The following ANKRD30A variants were observed in gnomAD, a reference collection of about 807,000 sequenced individuals.
ANKRD30A encodes ankyrin repeat domain-containing protein 30A.
Under a neutral mutation model 166.3 loss-of-function variants are expected in ANKRD30A, and 170 were observed. That is an observed-to-expected ratio of 1.02 (90% confidence interval 0.90 to 1.16). ANKRD30A has a LOEUF of 1.16. Among genes scored for constraint, ANKRD30A ranks in the 50% most tolerant of loss-of-function variants. The probability of loss-of-function intolerance (pLI) is 0.00; values close to 1 mark genes in which losing one functional copy is unlikely to be tolerated. For synonymous variants in ANKRD30A, 564 were observed against 508.9 expected (o/e 1.11, Z -1.46); for missense variants, 1,630 against 1,518.0 (o/e 1.07, Z -1.23).
chr10:37,248,173 G>A, the ANKRD30A span: 15 of 633,940 alleles, frequency 2.4e-5, no homozygotes, highest in East Asian at 3.9e-5. Flanking sequence ...TCTTGCACTC[G>A]GGAGAGCATG....
At chr10:37,157,928 T>G (rs1449400790) in intron 13 of ANKRD30A, among the ~76,000 whole-genome samples, 14 of 152,040 alleles carry the variant, frequency 9.2e-5, no homozygotes, top group Admixed American at 9.2e-4. Flanking sequence ...CAGGACAAAT[T>G]GAAGAACATA....
chr10:37,177,328 A>G (rs1298297225), intron 24 of ANKRD30A, among the ~76,000 whole-genome samples: 3 of 152,192 alleles, frequency 2.0e-5, no homozygotes, highest in Non-Finnish European at 4.4e-5. Flanking sequence ...GAAATGTCTT[A>G]TTTATTTTTG....
rs200651327 is a variant in ANKRD30A at position 37,129,984 on chromosome 10, G to A, written c.313G>A (p.Glu105Lys). The change falls in exon 2 of 36, where the codon GAA becomes AAA. Residue 105 changes from glutamate to lysine, a missense_variant. Transcript: ENST00000361713. ...GTGCCAGCTTGACGTCCTTGATGGC[G>A]AACACAGGACACCTCTGATGAAGGT... The part of the protein sequence containing the change: ...RKCQLDVLDG[E>K]HRTPLMKALQ... The A allele has an allele frequency of 3.9e-5, 62 of 1,573,230 alleles. No individual in the cohort carries two copies. Among genetic ancestry groups the A allele is most frequent in the Non-Finnish European group, 3.8e-5 (44 of 1,157,380 alleles).
chr10:37,259,372 G>C, the ANKRD30A span, among the ~76,000 whole-genome samples: 1 of 152,188 alleles, frequency 6.6e-6, no homozygotes, highest in African/African-American at 2.4e-5. Context: ...ATAATGCCAA[G>C]TGACAGCAAG....
chr10:37,201,147 T>TA (rs1370911873), intron 30 of ANKRD30A, 88 bp from the exon 31 acceptor site: 12 of 1,121,334 alleles, frequency 1.1e-5, no homozygotes, highest in Admixed American at 2.9e-5. Context: ...GACTTTTTTT[T>TA]AAAAAAAGAT....
chr10:37,195,497 A>G (rs533390536), intron 27 of ANKRD30A, among the ~76,000 whole-genome samples: 1 of 152,180 alleles, frequency 6.6e-6, no homozygotes, highest in Non-Finnish European at 1.5e-5. Flanking sequence ...AGAATAAAGC[A>G]TCTGGTTGTA....
chr10:37,158,337 G>A lies in ANKRD30A; in HGVS notation c.1799-55G>A, dbSNP rs548942028. ...TCATGTTCACACTGTGTGAATGTTC[G>A]GTAGGCTTTGTCAGGCTTGCATATA... On this transcript the variant is annotated intron_variant, in intron 13 of 35. Coordinates refer to ENST00000361713, the MANE Select transcript of ANKRD30A (RefSeq NM_052997.3). 2.2e-5 allele frequency: 34 copies of A among 1,569,772 alleles called. No homozygotes were observed. In the African/African-American group the frequency reaches 3.8e-4, roughly 18 times the overall value.
Position 37,217,725 on chromosome 10 carries a change from A to G in ANKRD30A, c.3114A>G (p.Arg1038=). Residue 1038 remains arginine (R), a synonymous_variant, in exon 33 of 36, where the codon AGA becomes AGG. Transcript: ENST00000361713. ...CTTTAAACCAAGAAGAAGAGAAGAG[A>G]AGAAATGCCGATATATTAAATGAAA... The part of the protein sequence containing the change: ...RLTLNQEEEK[R]RNADILNEKI... The G allele has an allele frequency of 6.3e-7, 1 of 1,584,582 alleles. No homozygotes were observed. The highest frequency in any genetic ancestry group is 8.6e-7 in the Non-Finnish European group (1 of 1,167,734).
Position 37,199,778 on chromosome 10 carries a change from G to A in ANKRD30A, c.2768G>A (p.Trp923Ter), listed in dbSNP as rs1323332649. 14 of 1,565,834 alleles carry A rather than the reference G, an allele frequency of 8.9e-6. No individual in the cohort carries two copies. In the Admixed American group the frequency reaches 2.1e-4, roughly 24 times the overall value. ...CAAAAGAAGGTTGAAGAAAATTCTT[G>A]GGATTCTGAGGTACTATGTGTTATT... ...SKQKKVEENSWDSESLRETVS... is the reference protein window; with the variant it reads ...SKQKKVEENS Residue 923 changes from tryptophan to a stop codon, truncating the protein, a stop_gained, in exon 30 of 36, where the codon TGG (tryptophan) becomes TAG (stop). Transcript: ENST00000361713. LOFTEE classifies it high-confidence loss of function.
At chr10:37,142,755 A>AT (rs1372303596) in intron 7 of ANKRD30A, among the ~76,000 whole-genome samples, 1 of 151,334 alleles carries the variant, frequency 6.6e-6, no homozygotes, top group Non-Finnish European at 1.5e-5. Flanking sequence ...CACCTGGATA[A>AT]TTTTTTGTAT....
At chr10:37,227,136 A>G (rs981269489) in intron 34 of ANKRD30A, among the ~76,000 whole-genome samples, 1 of 151,932 alleles carries the variant, frequency 6.6e-6, no homozygotes, top group African/African-American at 2.4e-5. Context: ...TACTGTTAGT[A>G]TATTTTCAAG....
rs753881842 is a variant in ANKRD30A at position 37,219,447 on chromosome 10, C to G, written c.3735C>G (p.Asn1245Lys). The change falls in exon 34 of 36, where the codon AAC (asparagine) becomes AAG (lysine). Residue 1245 changes from asparagine to lysine, a missense_variant. Around this residue, in one of 4 missense-constraint regions of ANKRD30A, gnomAD observed 712 missense variants for 629.3 expected, o/e 1.13. Transcript: ENST00000361713. ...MNVDVSSTIYNNEVLHQPLSE... is the reference protein window; with the variant it reads ...MNVDVSSTIYKNEVLHQPLSE... The stretch of plus-strand genomic sequence containing the variant: ...TTGATGTGAGTAGTACGATATATAA[C>G]AATGAGGTGCTCCATCAACCACTTT... The G allele has an allele frequency of 4.3e-6, 7 of 1,610,246 alleles. No homozygotes were observed. Among genetic ancestry groups the G allele is most frequent in the Admixed American group, 1.7e-5 (1 of 59,602 alleles).
chr10:37,139,732 G>T (rs1836971837), intron 6 of ANKRD30A, among the ~76,000 whole-genome samples: 1 of 152,146 alleles, frequency 6.6e-6, no homozygotes, highest in Non-Finnish European at 1.5e-5. Context: ...TTGATTGATT[G>T]ATTGATTGAT....
At chr10:37,258,419 G>T in the ANKRD30A span, among the ~76,000 whole-genome samples, 1 of 152,092 alleles carries the variant, frequency 6.6e-6, no homozygotes, top group African/African-American at 2.4e-5. Context: ...GATGGTATTA[G>T]CAGAAGGACA....
chr10:37,191,161 A>G (rs774331845), intron 25 of ANKRD30A, among the ~76,000 whole-genome samples: 3 of 151,320 alleles, frequency 2.0e-5, no homozygotes, highest in Non-Finnish European at 3.0e-5. Flanking sequence ...TAAATTTGCT[A>G]TTCCTTGATG....
At chr10:37,230,115 T>G (rs1310289243) in intron 34 of ANKRD30A, among the ~76,000 whole-genome samples, 5 of 151,960 alleles carry the variant, frequency 3.3e-5, no homozygotes, top group South Asian at 4.1e-4. Context: ...AGATCTGCAA[T>G]CTGAACTCTC....
chr10:37,159,373 C>A (rs1404111724), intron 15 of ANKRD30A, among the ~76,000 whole-genome samples: 1 of 152,008 alleles, frequency 6.6e-6, no homozygotes, highest in Non-Finnish European at 1.5e-5. Flanking sequence ...CAAAAAATAG[C>A]CGGTTGTGAT....
intron 18 of ANKRD30A, among the ~76,000 whole-genome samples, chr10:37,165,862 C>T (rs982025240): frequency 6.6e-6 from 1 of 152,054 alleles, no homozygotes; most frequent in Non-Finnish European, 1.5e-5. Flanking sequence ...TATCTGACCT[C>T]TTAGAAACAA....
rs183308126 is a variant in ANKRD30A, at chr10:37,161,036, G to A, written c.1901-1613G>A. Among the ~76,000 whole-genome samples, 152 of 152,280 alleles carry A rather than the reference G, an allele frequency of 1.0e-3. 1 individual carries two copies. The highest frequency in any genetic ancestry group is 2.0e-3 in the Non-Finnish European group (138 of 68,018). ...TGGGAGGCCGTGACTGGCAGATCACGAGGTTAGGAGATCGAGACCATCCTG... is the reference window on the plus strand; with the variant it reads ...TGGGAGGCCGTGACTGGCAGATCACAAGGTTAGGAGATCGAGACCATCCTG... On this transcript the variant is annotated intron_variant, in intron 15 of 35. Coordinates refer to ENST00000361713, the MANE Select transcript of ANKRD30A (RefSeq NM_052997.3).
Sources: gnomAD v4.1 joint callset for allele counts (sites outside exome capture counted in the v4.1 genomes callset) on GRCh38, gnomAD v4.1.1 for gene constraint, gnomAD v4.1.1 regional missense constraint, MANE v1.5 for transcripts, NCBI Gene and HGNC (gene_info 2026-07-23, HGNC 2026-07-21) for gene names.